The following GRIN2B variants were observed in gnomAD, a reference collection of about 807,000 sequenced individuals.
GRIN2B encodes the protein glutamate receptor ionotropic, NMDA 2B.
In GRIN2B, 5 loss-of-function variants were observed where a neutral mutation model predicts 114.5. The ratio of observed to expected loss-of-function variants is 0.04; its 90% CI spans 0.02 to 0.09. GRIN2B has a LOEUF of 0.09. Among genes scored for constraint, GRIN2B ranks in the 10% least tolerant of loss-of-function variants. The pLI is 1.00. For synonymous variants in GRIN2B, 787 were observed against 745.1 expected (o/e 1.06, Z -0.92); for missense variants, 1,108 against 1,943.5 (o/e 0.57, Z 8.08).
chr12:13,537,955 C>T lies in GRIN2B; in HGVS notation c.*24828G>A, dbSNP rs1341597409. The T allele has an allele frequency of 1.3e-5, 2 of 152,232 alleles. No homozygotes were observed. The highest frequency in any genetic ancestry group is 2.9e-5 in the Non-Finnish European group (2 of 68,036). 9.4% of individuals were successfully genotyped at this position (152,232 alleles called of 1,614,324 possible). A position where few individuals can be genotyped will look rare whatever the true frequency, so the allele number is the denominator to read the frequency against. On this transcript the variant is annotated 3_prime_UTR_variant, in exon 14 of 14. Transcript: ENST00000609686. ...TTTTTTGACAGGCCCTGCAGACTCT[C>T]AGAACCACTTTTCTGGTGGTCTCTT...
intron 3 of GRIN2B, among the ~76,000 whole-genome samples, chr12:13,794,821 G>T (rs975957971): frequency 1.3e-5 from 2 of 152,220 alleles, no homozygotes; most frequent in Admixed American, 6.5e-5. Flanking sequence ...TGTCCTCCCA[G>T]GAGGTGATCA....
At chr12:13,879,955 G>C (rs887489836) in intron 2 of GRIN2B, among the ~76,000 whole-genome samples, 1 of 152,238 alleles carries the variant, frequency 6.6e-6, no homozygotes, top group African/African-American at 2.4e-5. Flanking sequence ...CTATCCCTCT[G>C]TCCTCAAAAG....
intron 4 of GRIN2B, among the ~76,000 whole-genome samples, chr12:13,709,751 C>T (rs1357937120): frequency 6.6e-6 from 1 of 151,980 alleles, no homozygotes; most frequent in African/African-American, 2.4e-5. Flanking sequence ...CTCAGCATTC[C>T]CTTTTCATTC....
intron 3 of GRIN2B, among the ~76,000 whole-genome samples, chr12:13,775,690 G>T (rs981003415): frequency 1.3e-5 from 2 of 152,188 alleles, no homozygotes; most frequent in Non-Finnish European, 2.9e-5. Context: ...AGCAGTATAT[G>T]AAAAGTGTAC....
In GRIN2B at chr12:13,558,434, T is replaced by G. The variant is rs1197529043; in HGVS notation, c.*4349A>C. The G allele has an allele frequency of 1.3e-5, 2 of 151,132 alleles. No homozygotes were observed. The highest frequency in any genetic ancestry group is 3.9e-4 in the East Asian group (2 of 5,164). The allele number at this position is 151,132 out of a possible 1,614,324, so 9.4% of individuals were successfully genotyped here. ...GCTTATTGCCCAAACAATCTGGTTA[T>G]TCTATCTGTAAATCTTGAACTAACT... On this transcript the variant is annotated 3_prime_UTR_variant, in exon 14 of 14. Transcript: ENST00000609686.
At chr12:13,837,274 C>G (rs1029201510) in intron 3 of GRIN2B, among the ~76,000 whole-genome samples, 1 of 152,216 alleles carries the variant, frequency 6.6e-6, no homozygotes, top group South Asian at 2.1e-4. Context: ...CTCCTCCAAC[C>G]AAGAGCAGAT....
chr12:13,585,355 A>G (rs1170518386), intron 10 of GRIN2B, among the ~76,000 whole-genome samples: 1 of 152,188 alleles, frequency 6.6e-6, no homozygotes, highest in Non-Finnish European at 1.5e-5. Context: ...CTGGCAATCA[A>G]TCAGATCTGT....
chr12:13,702,901 A>T (rs1217039004), intron 4 of GRIN2B, among the ~76,000 whole-genome samples: 2 of 152,288 alleles, frequency 1.3e-5, no homozygotes, highest in East Asian at 3.9e-4. Flanking sequence ...AAATTAACTC[A>T]TTGCTTACAA....
chr12:13,916,941 T>C (rs1866742706), intron 2 of GRIN2B, among the ~76,000 whole-genome samples: 1 of 151,926 alleles, frequency 6.6e-6, no homozygotes, highest in Non-Finnish European at 1.5e-5. Flanking sequence ...AGGTAACCTT[T>C]GAGTTGCAAC....
At chr12:13,923,445 T>A (rs1335328067) in intron 2 of GRIN2B, among the ~76,000 whole-genome samples, 3 of 152,220 alleles carry the variant, frequency 2.0e-5, no homozygotes, top group African/African-American at 7.2e-5. Context: ...CACTTTTAAA[T>A]ACCATTAAAG....
chr12:13,725,185 G>C (rs1440746883), intron 4 of GRIN2B, among the ~76,000 whole-genome samples: 1 of 152,136 alleles, frequency 6.6e-6, no homozygotes, highest in Non-Finnish European at 1.5e-5. Context: ...CAGGATAATA[G>C]TGTCCCCTGG....
chr12:13,930,258 C>T (rs1867003025), intron 2 of GRIN2B, among the ~76,000 whole-genome samples: 2 of 152,120 alleles, frequency 1.3e-5, no homozygotes, highest in African/African-American at 4.8e-5. Context: ...TTATTATAAC[C>T]TTTGCTGATA....
rs114047789 is a variant in GRIN2B, at chr12:13,914,909, G to A, written c.-18-48683C>T. On this transcript the variant is annotated intron_variant, in intron 2 of 13. Coordinates refer to ENST00000609686, the MANE Select transcript of GRIN2B (RefSeq NM_000834.5). ...AATAGAGAATTATCTATTACCAGAG[G>A]CCAGGAAGGGTAGAGGAAAGAGGGG... Among the ~76,000 whole-genome samples the A allele has an allele frequency of 8.1e-3, 1,235 of 152,204 alleles. 20 individuals carry two copies. The highest frequency in any genetic ancestry group is 0.029 in the African/African-American group (1,191 of 41,528).
intron 4 of GRIN2B, among the ~76,000 whole-genome samples, chr12:13,750,515 C>A (rs909784869): frequency 6.6e-6 from 1 of 152,186 alleles, no homozygotes; most frequent in Non-Finnish European, 1.5e-5. Flanking sequence ...CACTTGATTT[C>A]TTCGTGTTGT....
In GRIN2B at chr12:13,753,336, G is replaced by T. The variant is rs1290922060; in HGVS notation, c.991C>A (p.Gln331Lys). Residue 331 changes from glutamine to lysine, a missense_variant, in exon 4 of 14, where the codon CAG becomes AAG. This residue lies in a region of GRIN2B where 199 missense variants were observed against 439.6 expected (regional missense o/e 0.45). Transcript: ENST00000609686. The surrounding 1 kb of genome is among the most constrained non-coding windows in gnomAD (Gnocchi z 6.2). Reference sequence around the variant, plus strand: ...ACTCACCTATTTAGCATATTGGACTGGTAGATTCTCTTCTCGTGGGTGTTG... The same window carrying T: ...ACTCACCTATTTAGCATATTGGACTTGTAGATTCTCTTCTCGTGGGTGTTG... ...CYNTHEKRIY[Q>K]SNMLNRYLIN... 3.8e-6 allele frequency: 6 copies of T among 1,592,152 alleles called. No homozygotes were observed. Among genetic ancestry groups the T allele is most frequent in the Admixed American group, 3.3e-5 (2 of 59,992 alleles).
intron 3 of GRIN2B, among the ~76,000 whole-genome samples, chr12:13,864,514 A>G (rs1449244992): frequency 6.6e-6 from 1 of 152,248 alleles, no homozygotes; most frequent in Admixed American, 6.5e-5. Context: ...TGATAAACGT[A>G]GCACTTGTGG....
chr12:13,906,633 C>G (rs2136793120), intron 2 of GRIN2B, among the ~76,000 whole-genome samples: 1 of 152,244 alleles, frequency 6.6e-6, no homozygotes, highest in East Asian at 1.9e-4. Context: ...TTTAATCAGA[C>G]AAAATCAATT....
At chr12:13,582,033 C>A (rs1565461956) in intron 10 of GRIN2B, among the ~76,000 whole-genome samples, 1 of 152,072 alleles carries the variant, frequency 6.6e-6, no homozygotes, top group South Asian at 2.1e-4. Flanking sequence ...AATAAACAAG[C>A]CACTTAGCTT....
rs560087007 is a variant in GRIN2B, at chr12:13,711,991, G to A, written c.1011-36132C>T. 3.4e-3 allele frequency among the ~76,000 whole-genome samples: 519 copies of A among 152,038 alleles called. 3 individuals carry two copies. Among genetic ancestry groups the A allele is most frequent in the Non-Finnish European group, 5.3e-3 (359 of 67,908 alleles). ...TTGGAACCAACCCAAATGTCCAACAGTGATAGACTGGATTAAGAAAATGGG... is the reference window on the plus strand; with the variant it reads ...TTGGAACCAACCCAAATGTCCAACAATGATAGACTGGATTAAGAAAATGGG... On this transcript the variant is annotated intron_variant, in intron 4 of 13. Coordinates refer to ENST00000609686, the MANE Select transcript of GRIN2B (RefSeq NM_000834.5).
Sources: gnomAD v4.1 joint callset for allele counts (sites outside exome capture counted in the v4.1 genomes callset) on GRCh38, gnomAD v4.1.1 for gene constraint, gnomAD v4.1.1 regional missense constraint, Gnocchi (gnomAD v3.1) non-coding constraint, MANE v1.5 for transcripts, NCBI Gene and HGNC (gene_info 2026-07-23, HGNC 2026-07-21) for gene names.